Variants in RSBN1 observed in about 807,000 individuals in gnomAD.
RSBN1 encodes the protein round spermatid basic protein 1, also known as lysine-specific demethylase 9.
A neutral mutation model predicts 74.8 loss-of-function variants in RSBN1; 23 were observed. The observed-to-expected ratio is 0.31, with a 90% confidence interval of 0.22 to 0.44. The LOEUF is 0.44. RSBN1 is among the 20% of genes least tolerant of loss of function. The pLI is 1.00. For missense variants in RSBN1, 808 were observed against 1,020.9 expected (o/e 0.79, Z 2.84); for synonymous variants, 407 against 379.6 (o/e 1.07, Z -0.84).
chr1:113,762,926 C>T lies in RSBN1; in HGVS notation c.*3054G>A, dbSNP rs1010225511. The T allele has an allele frequency of 6.6e-6, 1 of 152,614 alleles. No individual in the cohort carries two copies. The highest frequency in any genetic ancestry group is 2.4e-5 in the African/African-American group (1 of 41,414). The allele number at this position is 152,614 out of a possible 1,614,324, so 9.5% of individuals were successfully genotyped here. On this transcript the variant is annotated 3_prime_UTR_variant, in exon 7 of 7. Coordinates refer to ENST00000261441, the MANE Select transcript of RSBN1 (RefSeq NM_018364.5). ...TCTCTTAAGGGGAAAGGGCACTTTT[C>T]AAAAGTCTTTCACTAAAAAATAATA...
At chr1:113,794,743 GTACCTC>G (rs1246438132) in intron 2 of RSBN1, among the ~76,000 whole-genome samples, 7 of 152,178 alleles carry the variant, frequency 4.6e-5, no homozygotes, top group Admixed American at 2.0e-4. Context: ...TTCCCTATGC[GTACCTC>G]TACTCAAGTA....
chr1:113,792,235 A>G (rs1056318346), intron 2 of RSBN1, among the ~76,000 whole-genome samples: 3 of 152,224 alleles, frequency 2.0e-5, no homozygotes, highest in African/African-American at 4.8e-5. Context: ...CTCCATGTAC[A>G]TCCTTCAATT....
rs2101834690 is a variant in RSBN1, at chr1:113,812,083, A to G, written c.330T>C (p.Ala110=). ...RGRPSQEPPL[A]PPHRRRRSRQ... is the part of the protein sequence containing the mutation. The stretch of plus-strand genomic sequence containing the variant: ...GGCTGCGACGCCGCCGGTGAGGGGG[A>G]GCGAGAGGGGGCTCCTGGCTCGGCC... Residue 110 remains alanine, a synonymous_variant, in exon 1 of 7, where the codon GCT becomes GCC. Transcript: ENST00000261441. 1 of 1,582,110 alleles carries G rather than the reference A, an allele frequency of 6.3e-7. No individual in the cohort carries two copies. Among genetic ancestry groups the G allele is most frequent in the Non-Finnish European group, 8.6e-7 (1 of 1,165,960 alleles).
In RSBN1 at chr1:113,766,391, A is replaced by G; in HGVS notation, c.1998T>C (p.Ala666=). Residue 666 remains alanine, a synonymous_variant, in exon 7 of 7, where the codon GCT becomes GCC. Transcript: ENST00000261441. The part of the protein sequence containing the change: ...NQMRREGIRY[A]RIQLCDNDIY... ...TATCATTGTCGCAAAGCTGAATTCTAGCATAACGAATGCCTTCCCGCCTCA... is the reference window on the plus strand; with the variant it reads ...TATCATTGTCGCAAAGCTGAATTCTGGCATAACGAATGCCTTCCCGCCTCA... The G allele has an allele frequency of 6.2e-7, 1 of 1,614,082 alleles. No homozygotes were observed. Among genetic ancestry groups the G allele is most frequent in the Non-Finnish European group, 8.5e-7 (1 of 1,179,938 alleles).
At chr1:113,786,533 G>C (rs1485555326) in intron 2 of RSBN1, among the ~76,000 whole-genome samples, 1 of 152,218 alleles carries the variant, frequency 6.6e-6, no homozygotes, top group Non-Finnish European at 1.5e-5. Context: ...TAGAAGCATA[G>C]CCTGGGGTAA....
At chr1:113,774,186 G>T (rs944211580) in intron 4 of RSBN1, among the ~76,000 whole-genome samples, 8 of 152,112 alleles carry the variant, frequency 5.3e-5, no homozygotes, top group Admixed American at 5.2e-4. Context: ...TAACACGAAT[G>T]ATTTCCAGTT....
Position 113,812,364 on chromosome 1 carries a change from T to A in RSBN1, c.49A>T (p.Arg17Ter). The change falls in exon 1 of 7, where the codon AGA becomes TGA. Residue 17 changes from arginine (R) to a stop codon, truncating the protein, a stop_gained. Transcript: ENST00000261441. LOFTEE classifies it high-confidence loss of function. The stretch of plus-strand genomic sequence containing the variant: ...GCACTGCCCGCTGGGCATTGGAGTC[T>A]CTCCTCCGCCCTCCACTTGTCGGCC... ...RTADKWRAEE[R>*]LQCPAGSARA... is the part of the protein sequence containing the mutation. 1 of 1,602,946 alleles carries A rather than the reference T, an allele frequency of 6.2e-7. No individual in the cohort carries two copies. The highest frequency in any genetic ancestry group is 8.5e-7 in the Non-Finnish European group (1 of 1,179,282).
chr1:113,766,859 G>T (rs539696270), intron 6 of RSBN1, among the ~76,000 whole-genome samples: 1 of 152,138 alleles, frequency 6.6e-6, no homozygotes, highest in Admixed American at 6.6e-5. Flanking sequence ...TAACTGAGCC[G>T]CCTGGGACCT....
intron 2 of RSBN1, among the ~76,000 whole-genome samples, chr1:113,795,259 CTA>C (rs1456734394): frequency 2.6e-5 from 4 of 152,184 alleles, no homozygotes; most frequent in African/African-American, 9.7e-5. Context: ...TACTTACTAG[CTA>C]TATGACCTTG....
chr1:113,777,376 C>T (rs1660052037), intron 3 of RSBN1, 24 bp from the exon 4 acceptor site: 3 of 1,582,384 alleles, frequency 1.9e-6, no homozygotes, highest in Admixed American at 1.8e-5. Context: ...GGATTAGTCA[C>T]ATTAAAAAAT....
intron 2 of RSBN1, among the ~76,000 whole-genome samples, chr1:113,778,828 T>C (rs1436454508): frequency 6.6e-6 from 1 of 152,220 alleles, no homozygotes; most frequent in African/African-American, 2.4e-5. Flanking sequence ...ATATTTTCTC[T>C]ATATCAACTC....
In RSBN1 at chr1:113,811,861, C is replaced by T. The variant is rs533417369; in HGVS notation, c.552G>A (p.Lys184=). The T allele has an allele frequency of 6.2e-7, 1 of 1,613,408 alleles. No homozygotes were observed. Among genetic ancestry groups the T allele is most frequent in the Non-Finnish European group, 8.5e-7 (1 of 1,179,880 alleles). ...SPLTVSAAGP[K]HKGHKERHKH... ...TGTGCCGCTCCTTGTGGCCCTTATGCTTGGGCCCGGCCGCGCTCACCGTCA... is the reference window on the plus strand; with the variant it reads ...TGTGCCGCTCCTTGTGGCCCTTATGTTTGGGCCCGGCCGCGCTCACCGTCA... Residue 184 remains lysine (K), a synonymous_variant, in exon 1 of 7, where the codon AAG becomes AAA. Transcript: ENST00000261441.
At chr1:113,806,971 T>C (rs1660713186) in intron 1 of RSBN1, among the ~76,000 whole-genome samples, 1 of 150,526 alleles carries the variant, frequency 6.6e-6, no homozygotes. Flanking sequence ...CATGATCACA[T>C]CACTGTGCTG....
chr1:113,769,561 T>G (rs773016068), intron 4 of RSBN1, among the ~76,000 whole-genome samples: 2 of 152,222 alleles, frequency 1.3e-5, no homozygotes, highest in Non-Finnish European at 2.9e-5. Context: ...TCTGCTTTTT[T>G]ATGTGCTCAA....
intron 4 of RSBN1, among the ~76,000 whole-genome samples, chr1:113,775,976 T>A (rs1660015883): frequency 6.6e-6 from 1 of 152,200 alleles, no homozygotes; most frequent in Non-Finnish European, 1.5e-5. Flanking sequence ...GATTAGTCCA[T>A]TAAAACTCAC....
chr1:113,768,508 G>T lies in RSBN1; in HGVS notation c.1659-119C>A, dbSNP rs151032571. 4.9e-4 allele frequency: 304 copies of T among 625,924 alleles called. 2 individuals carry two copies. In the East Asian group the frequency reaches 8.1e-3, roughly 17 times the overall value. 38.8% of individuals were successfully genotyped at this position (625,924 alleles called of 1,614,324 possible). A position where few individuals can be genotyped will look rare whatever the true frequency, so the allele number is the denominator to read the frequency against. Reference sequence around the variant, plus strand: ...AAAATACCAGATTTAAATAAGATGAGGACTGAGAAGGGTTCAATGATTATG... The same window carrying T: ...AAAATACCAGATTTAAATAAGATGATGACTGAGAAGGGTTCAATGATTATG... On this transcript the variant is annotated intron_variant, in intron 4 of 6. Coordinates refer to ENST00000261441, the MANE Select transcript of RSBN1 (RefSeq NM_018364.5).
At chr1:113,773,712 T>C (rs532614666) in intron 4 of RSBN1, among the ~76,000 whole-genome samples, 1 of 151,442 alleles carries the variant, frequency 6.6e-6, no homozygotes, top group Admixed American at 6.6e-5. Context: ...ACTAAGAATA[T>C]AAACACGCAT....
intron 2 of RSBN1, among the ~76,000 whole-genome samples, chr1:113,797,115 A>G (rs2101818397): frequency 6.6e-6 from 1 of 152,362 alleles, no homozygotes; most frequent in South Asian, 2.1e-4. Flanking sequence ...TAAGTTTTCA[A>G]GCTAGTTTTC....
intron 1 of RSBN1, 40 bp from the exon 2 acceptor site, chr1:113,798,076 A>G: frequency 6.6e-7 from 1 of 1,526,670 alleles, no homozygotes. Flanking sequence ...TGCTAGGACT[A>G]GTGTCAACAT....
Sources: gnomAD v4.1 joint callset for allele counts (sites outside exome capture counted in the v4.1 genomes callset) on GRCh38, gnomAD v4.1.1 for gene constraint, MANE v1.5 for transcripts, NCBI Gene and HGNC (gene_info 2026-07-23, HGNC 2026-07-21) for gene names.